Variants in TTC17 observed in about 807,000 individuals in gnomAD.
TTC17 encodes tetratricopeptide repeat protein 17.
Under a neutral mutation model 143.8 loss-of-function variants are expected in TTC17, and 58 were observed. That is an observed-to-expected ratio of 0.40 (90% CI 0.33 to 0.50). The LOEUF (loss-of-function observed/expected upper bound fraction) is 0.50. TTC17 is among the 20% of genes least tolerant of loss of function. The pLI is 0.49. For missense variants in TTC17, 1,273 were observed against 1,392.5 expected (o/e 0.91, Z 1.37); for synonymous variants, 501 against 497.8 (o/e 1.01, Z -0.09).
At chr11:43,439,950 A>T (rs772406276) in intron 16 of TTC17, among the ~76,000 whole-genome samples, 3 of 152,180 alleles carry the variant, frequency 2.0e-5, no homozygotes, top group Non-Finnish European at 4.4e-5. Flanking sequence ...CACAATATTT[A>T]TTCTTCTTCC....
intron 21 of TTC17, among the ~76,000 whole-genome samples, chr11:43,477,847 G>A (rs1948213493): frequency 6.6e-6 from 1 of 152,072 alleles, no homozygotes; most frequent in African/African-American, 2.4e-5. Context: ...ATTGATGAGG[G>A]AAAGTCTCTC....
intron 23 of TTC17, among the ~76,000 whole-genome samples, chr11:43,493,126 C>G (rs1479895986): frequency 6.6e-6 from 1 of 152,224 alleles, no homozygotes; most frequent in East Asian, 1.9e-4. Context: ...TTATGTCTCT[C>G]ATTTGGCTAG....
At chr11:43,375,510 C>T (rs1430559289) in intron 1 of TTC17, among the ~76,000 whole-genome samples, 2 of 151,290 alleles carry the variant, frequency 1.3e-5, no homozygotes, top group African/African-American at 4.9e-5. Context: ...TTATTTTGTC[C>T]CTAGTTTCTA....
intron 16 of TTC17, among the ~76,000 whole-genome samples, chr11:43,425,981 G>C (rs749678883): frequency 6.6e-6 from 1 of 152,086 alleles, no homozygotes; most frequent in African/African-American, 2.4e-5. Context: ...AACCCAGTCA[G>C]GTCACAAATA....
chr11:43,464,016 C>G (rs1362649297), intron 21 of TTC17, among the ~76,000 whole-genome samples: 1 of 152,180 alleles, frequency 6.6e-6, no homozygotes, highest in Admixed American at 6.5e-5. Context: ...TGGCTCCTGC[C>G]TATAATCCCA....
chr11:43,477,916 G>T (rs1242541101), intron 21 of TTC17, among the ~76,000 whole-genome samples: 2 of 152,082 alleles, frequency 1.3e-5, no homozygotes, highest in Non-Finnish European at 2.9e-5. Context: ...TTACAGTTTT[G>T]TAGCCCTTAA....
At chr11:43,396,952 C>T (rs1433441070) in intron 6 of TTC17, 134 bp downstream of exon 6, 1 of 447,470 alleles carries the variant, frequency 2.2e-6, no homozygotes, top group Non-Finnish European at 3.8e-6. Flanking sequence ...AAATAAGTCC[C>T]ACCACAAAAA....
At chr11:43,453,305 G>A (rs1163180803) in intron 21 of TTC17, among the ~76,000 whole-genome samples, 1 of 151,948 alleles carries the variant, frequency 6.6e-6, no homozygotes, top group Non-Finnish European at 1.5e-5. Flanking sequence ...GGTGCACTGT[G>A]TGCCATAGAA....
At chr11:43,439,976 G>T (rs1405050274) in intron 16 of TTC17, among the ~76,000 whole-genome samples, 3 of 152,194 alleles carry the variant, frequency 2.0e-5, no homozygotes, top group Non-Finnish European at 4.4e-5. Context: ...TGAAAATGGT[G>T]CTTGGTAACG....
At chr11:43,391,751 C>T (rs2134531267) in intron 4 of TTC17, 70 bp from the exon 5 acceptor site, 4 of 1,558,118 alleles carry the variant, frequency 2.6e-6, no homozygotes, top group Admixed American at 4.0e-5. Flanking sequence ...ATAAACACTA[C>T]AAGATACTGA....
chr11:43,402,590 A>G (rs770522896), intron 10 of TTC17, among the ~76,000 whole-genome samples: 2 of 152,146 alleles, frequency 1.3e-5, no homozygotes, highest in Non-Finnish European at 2.9e-5. Context: ...AAAAGATTCA[A>G]ACTCTGAAAC....
intron 15 of TTC17, among the ~76,000 whole-genome samples, chr11:43,410,780 G>A (rs1267963014): frequency 6.6e-6 from 1 of 152,134 alleles, no homozygotes; most frequent in Non-Finnish European, 1.5e-5. Context: ...CCTCATTTCA[G>A]GAAATAATAA....
intron 15 of TTC17, among the ~76,000 whole-genome samples, chr11:43,413,027 C>CACAA (rs1488726585): frequency 6.2e-4 from 72 of 116,998 alleles, no homozygotes; most frequent in Admixed American, 9.0e-4. Flanking sequence ...CACACACACA[C>CACAA]AAATGGGGGC....
Position 43,450,194 on chromosome 11 carries a change from T to A in TTC17, c.2899T>A (p.Ser967Thr), listed in dbSNP as rs760596879. The change falls in exon 20 of 24, where the codon TCC becomes ACC. Residue 967 changes from serine to threonine, a missense_variant. Physicochemically the swap from Ser to Thr is moderately conservative, Grantham distance 58. Around this residue, in one of 3 missense-constraint regions of TTC17, gnomAD observed 878 missense variants for 899.8 expected, o/e 0.98. Transcript: ENST00000039989. ...MHTLDHLHGVSNRASLHYTGE... is the reference protein window; with the variant it reads ...MHTLDHLHGVTNRASLHYTGE... ...TACCCTGGACCACTTGCATGGGGTT[T>A]CCAACCGAGCCAGCCTGCACTACAC... 3 of 1,614,172 alleles carry A rather than the reference T, an allele frequency of 1.9e-6. No individual in the cohort carries two copies. The highest frequency in any genetic ancestry group is 2.5e-6 in the Non-Finnish European group (3 of 1,180,028).
chr11:43,464,556 A>G (rs570479937), intron 21 of TTC17, among the ~76,000 whole-genome samples: 1 of 152,326 alleles, frequency 6.6e-6, no homozygotes, highest in Non-Finnish European at 1.5e-5. Context: ...AGTATTTTCA[A>G]ATTATATTAC....
chr11:43,431,121 C>T (rs1257591444), intron 16 of TTC17, among the ~76,000 whole-genome samples: 1 of 152,154 alleles, frequency 6.6e-6, no homozygotes, highest in Non-Finnish European at 1.5e-5. Context: ...TTTATGGCTG[C>T]ATAGTATTCC....
At chr11:43,363,756 T>G (rs1856212073) in intron 1 of TTC17, among the ~76,000 whole-genome samples, 1 of 152,144 alleles carries the variant, frequency 6.6e-6, no homozygotes, top group Non-Finnish European at 1.5e-5. Context: ...TAAGTAAAAA[T>G]GGATTAGTCT....
At chr11:43,367,330 C>T (rs1200666080) in intron 1 of TTC17, among the ~76,000 whole-genome samples, 1 of 152,136 alleles carries the variant, frequency 6.6e-6, no homozygotes, top group Non-Finnish European at 1.5e-5. Context: ...GTCTTTGTAC[C>T]AGTTTAGATA....
intron 23 of TTC17, among the ~76,000 whole-genome samples, chr11:43,493,563 C>T (rs1444228535): frequency 1.3e-5 from 2 of 152,156 alleles, no homozygotes; most frequent in African/African-American, 2.4e-5. Flanking sequence ...TTCCTTTGTT[C>T]ATCCCATACC....
Sources: allele counts gnomAD v4.1 joint callset (sites outside exome capture counted in the v4.1 genomes callset), GRCh38; gene constraint gnomAD v4.1.1; regional missense constraint gnomAD v4.1.1; transcripts MANE v1.5; gene names NCBI Gene and HGNC (gene_info 2026-07-23, HGNC 2026-07-21).